TMEM182: variants seen among roughly 807,000 people sequenced by gnomAD.
TMEM182 encodes transmembrane protein 182.
Under a neutral mutation model 26.8 loss-of-function variants are expected in TMEM182, and 20 were observed. The observed-to-expected ratio is 0.75, with a 90% confidence interval of 0.53 to 1.09. The LOEUF is 1.09. TMEM182 is among the 50% of genes least tolerant of loss of function. TMEM182 has a pLI of 0.00. For synonymous variants in TMEM182, 109 were observed against 102.2 expected (o/e 1.07, Z -0.40); for missense variants, 277 against 275.5 (o/e 1.01, Z -0.04).
chr2:102,761,436 T>C (rs1028879593), upstream of TMEM182, among the ~76,000 whole-genome samples: 1 of 152,216 alleles, frequency 6.6e-6, no homozygotes, highest in Non-Finnish European at 1.5e-5. Context: ...CTCATGAGGC[T>C]GCTGCAGAAA....
At chr2:102,819,684 A>C (rs1275279323), downstream of TMEM182, among the ~76,000 whole-genome samples, 1 of 152,246 alleles carries the variant, frequency 6.6e-6, no homozygotes, top group East Asian at 1.9e-4. Context: ...TAAAGTGTAT[A>C]CATGAACGCG....
chr2:102,751,865 A>G (rs1433464403), intron 1 of TMEM182, among the ~76,000 whole-genome samples: 6 of 151,896 alleles, frequency 4.0e-5, no homozygotes, highest in Non-Finnish European at 5.9e-5. Context: ...TGGGGGTTTC[A>G]TTATCTTGCC....
chr2:102,843,214 T>G (rs1013179071), intron 3 of TMEM182, among the ~76,000 whole-genome samples: 3 of 152,118 alleles, frequency 2.0e-5, no homozygotes, highest in African/African-American at 4.8e-5. Context: ...TCTCTTTTTC[T>G]CCCTTTTTAT....
At chr2:102,764,075 G>A (rs974028988) in intron 2 of TMEM182, among the ~76,000 whole-genome samples, 1 of 152,130 alleles carries the variant, frequency 6.6e-6, no homozygotes, top group African/African-American at 2.4e-5. Flanking sequence ...GATATAAAGG[G>A]CATTTGCATT....
chr2:102,757,067 C>G (rs1037092957), upstream of TMEM182, among the ~76,000 whole-genome samples: 2 of 152,232 alleles, frequency 1.3e-5, no homozygotes, highest in Middle Eastern at 3.4e-3. Flanking sequence ...GCCTCGGCCT[C>G]CCAAAGTGCT....
chr2:102,835,563 C>T lies in TMEM182; in HGVS notation c.326-7849C>T, dbSNP rs150273712. Among the ~76,000 whole-genome samples, 306 of 152,214 alleles carry T rather than the reference C, an allele frequency of 2.0e-3. 2 individuals carry two copies. The highest frequency in any genetic ancestry group is 6.9e-3 in the African/African-American group (285 of 41,524). On this transcript the variant is annotated intron_variant, in intron 3 of 3. Transcript: ENST00000486293. ...AATGTATCCACCATTATAGTACAAACGGAATTGTTTCACTGCCCTAAAAAT... is the reference window on the plus strand; with the variant it reads ...AATGTATCCACCATTATAGTACAAATGGAATTGTTTCACTGCCCTAAAAAT...
chr2:102,762,754 A>G lies in TMEM182; in HGVS notation c.232+68A>G, dbSNP rs146395435. 5.2e-4 allele frequency: 686 copies of G among 1,314,182 alleles called. 13 individuals are homozygous for G. In the East Asian group the frequency reaches 0.016, roughly 30 times the overall value. 81.4% of individuals were successfully genotyped at this position (1,314,182 alleles called of 1,614,324 possible). A position where few individuals can be genotyped will look rare whatever the true frequency, so the allele number is the denominator to read the frequency against. ...AAAAATGAACAGTTTCTTACATAGTATATGTCACTTCTAGCGGACTGGATT... is the reference window on the plus strand; with the variant it reads ...AAAAATGAACAGTTTCTTACATAGTGTATGTCACTTCTAGCGGACTGGATT... On this transcript the variant is annotated intron_variant, in intron 2 of 4. Coordinates refer to ENST00000412401, the MANE Select transcript of TMEM182 (RefSeq NM_144632.5).
At chr2:102,841,325 C>T (rs184475151) in intron 3 of TMEM182, among the ~76,000 whole-genome samples, 1 of 152,318 alleles carries the variant, frequency 6.6e-6, no homozygotes, top group Non-Finnish European at 1.5e-5. Flanking sequence ...GAAGCGTCCC[C>T]TGCAGAAGCA....
At chr2:102,755,587 T>C (rs774875401) in intron 1 of TMEM182, among the ~76,000 whole-genome samples, 5 of 152,202 alleles carry the variant, frequency 3.3e-5, no homozygotes, top group Non-Finnish European at 5.9e-5. Flanking sequence ...ATATGCTTGA[T>C]ATTATGAATA....
chr2:102,821,902 G>A (rs889612872), downstream of TMEM182, among the ~76,000 whole-genome samples: 3 of 151,646 alleles, frequency 2.0e-5, no homozygotes, highest in African/African-American at 7.3e-5. Context: ...GAAGGAGAAT[G>A]GCGTGAACCC....
intron 1 of TMEM182, among the ~76,000 whole-genome samples, chr2:102,738,360 C>CA (rs1253270532): frequency 6.6e-6 from 1 of 152,096 alleles, no homozygotes; most frequent in Non-Finnish European, 1.5e-5. Context: ...TTTGGGAAGC[C>CA]AGGGTGGGCA....
At position 102,797,988 on chromosome 2, in the gene TMEM182, T is replaced by C; in HGVS notation, c.457T>C (p.Tyr153His). 1.2e-6 allele frequency: 2 copies of C among 1,613,894 alleles called. No individual in the cohort carries two copies. The highest frequency in any genetic ancestry group is 1.1e-5 in the South Asian group (1 of 91,042). ...HFLYKAGGGSYIAAGILFSLV... is the reference protein window; with the variant it reads ...HFLYKAGGGSHIAAGILFSLV... ...TCTCTACAAAGCTGGGGGAGGCTCA[T>C]ATATTGCTGCAGGTACGTACGGTGC... Residue 153 changes from tyrosine to histidine, a missense_variant, in exon 4 of 5, where the codon TAT (tyrosine) becomes CAT (histidine). Physicochemically the swap from Tyr to His is moderately conservative, Grantham distance 83. Transcript: ENST00000412401.
intron 4 of TMEM182, among the ~76,000 whole-genome samples, chr2:102,807,662 A>G (rs1281683149): frequency 2.0e-5 from 3 of 152,266 alleles, no homozygotes; most frequent in Admixed American, 6.5e-5. Context: ...CCCTTTTCCC[A>G]GATATAATAT....
chr2:102,836,854 A>G (rs1683256128), intron 3 of TMEM182, among the ~76,000 whole-genome samples: 1 of 152,246 alleles, frequency 6.6e-6, no homozygotes. Context: ...GAAAGCGTTC[A>G]GTCCTTGGCC....
intron 4 of TMEM182, among the ~76,000 whole-genome samples, chr2:102,813,708 T>C (rs956404952): frequency 4.6e-5 from 7 of 152,210 alleles, no homozygotes; most frequent in African/African-American, 1.7e-4. Context: ...ACATGCTTAG[T>C]GGTATTCTCC....
At chr2:102,773,791 T>C (rs1437873737) in intron 3 of TMEM182, among the ~76,000 whole-genome samples, 2 of 152,112 alleles carry the variant, frequency 1.3e-5, no homozygotes, top group Non-Finnish European at 2.9e-5. Context: ...TCCAGATGAC[T>C]AGGACCAGGA....
intron 3 of TMEM182, chr2:102,834,344 T>C: frequency 1.0e-6 from 1 of 979,974 alleles, no homozygotes; most frequent in Non-Finnish European, 1.2e-6. Context: ...TTTTTTTCTG[T>C]ATATTGTAAC....
intron 3 of TMEM182, among the ~76,000 whole-genome samples, chr2:102,781,280 C>T (rs1681156974): frequency 6.6e-6 from 1 of 151,456 alleles, no homozygotes; most frequent in South Asian, 2.1e-4. Context: ...CTTTTTTGTC[C>T]TTAGCAATTG....
chr2:102,743,543 G>C (rs911198295), intron 1 of TMEM182, among the ~76,000 whole-genome samples: 6 of 152,066 alleles, frequency 3.9e-5, no homozygotes, highest in Non-Finnish European at 8.8e-5. Flanking sequence ...CTGGATAAGA[G>C]CGGAAGATTA....
Sources: allele counts gnomAD v4.1 joint callset (sites outside exome capture counted in the v4.1 genomes callset), GRCh38; gene constraint gnomAD v4.1.1; transcripts MANE v1.5; gene names NCBI Gene and HGNC (gene_info 2026-07-23, HGNC 2026-07-21).